ANKRD18A: variants seen among roughly 807,000 people sequenced by gnomAD.
The protein encoded by ANKRD18A is ankyrin repeat domain 18A, also known as ankyrin repeat domain-containing protein 18A.
In ANKRD18A, 72 loss-of-function variants were observed where a neutral mutation model predicts 110.6. That is an observed-to-expected ratio of 0.65 (90% CI 0.54 to 0.79). The LOEUF (loss-of-function observed/expected upper bound fraction) is 0.79. ANKRD18A is among the 30% of genes least tolerant of loss of function. The pLI, the probability that ANKRD18A is intolerant of heterozygous loss-of-function variation, is 0.00. For synonymous variants in ANKRD18A, 305 were observed against 410.3 expected (o/e 0.74, Z 3.10); for missense variants, 934 against 1,163.3 (o/e 0.80, Z 2.87).
intron 12 of ANKRD18A, among the ~76,000 whole-genome samples, chr9:38,581,014 T>G (rs2118681368): frequency 6.6e-6 from 1 of 152,346 alleles, no homozygotes; most frequent in South Asian, 2.1e-4. Flanking sequence ...AAGCTTCAGA[T>G]GATTCAATTT....
chr9:38,579,874 C>T lies in ANKRD18A; in HGVS notation c.2248-1726G>A, dbSNP rs115434880. On this transcript the variant is annotated intron_variant, in intron 12 of 15. Coordinates refer to ENST00000399703, the MANE Select transcript of ANKRD18A (RefSeq NM_147195.4). ...ACAATAGATCACAAGGATACTTGTC[C>T]TCATATGTTTATTGTAGCTCTATTC... Among the ~76,000 whole-genome samples the T allele has an allele frequency of 1.3e-3, 201 of 152,304 alleles. 2 individuals are homozygous for T. The highest frequency in any genetic ancestry group is 4.6e-3 in the African/African-American group (193 of 41,566).
At position 38,586,332 on chromosome 9, in the gene ANKRD18A, A is replaced by G. The variant is rs12006286; in HGVS notation, c.2118-20T>C. 1.4e-3 allele frequency: 2,149 copies of G among 1,496,500 alleles called. 20 individuals carry two copies. In the African/African-American group the frequency reaches 0.024, roughly 16 times the overall value. 92.7% of individuals were successfully genotyped at this position (1,496,500 alleles called of 1,614,324 possible). On this transcript the variant is annotated intron_variant, in intron 11 of 15. Coordinates refer to ENST00000399703, the MANE Select transcript of ANKRD18A (RefSeq NM_147195.4). ...TTATATCTGCAGAAATGTAAGAACTAGTAAGTCAAGTATTTTTAAGAGTAA... is the reference window on the plus strand; with the variant it reads ...TTATATCTGCAGAAATGTAAGAACTGGTAAGTCAAGTATTTTTAAGAGTAA...
rs868257926 is a variant in ANKRD18A, at chr9:38,575,420, G to A, written c.2964+56C>T. 1.9e-5 allele frequency: 27 copies of A among 1,451,326 alleles called. No homozygotes were observed. In the Middle Eastern group the frequency reaches 9.9e-4, roughly 53 times the overall value. 89.9% of individuals were successfully genotyped at this position (1,451,326 alleles called of 1,614,324 possible). Reference sequence around the variant, plus strand: ...GAACTCAGTATTTCATCAAATTATAGACAAGAATTATATTAGAGAAATGAA... The same window carrying A: ...GAACTCAGTATTTCATCAAATTATAAACAAGAATTATATTAGAGAAATGAA... On this transcript the variant is annotated intron_variant, in intron 15 of 15. Coordinates refer to ENST00000399703, the MANE Select transcript of ANKRD18A (RefSeq NM_147195.4).
At chr9:38,574,569 G>A (rs189609170) in intron 15 of ANKRD18A, among the ~76,000 whole-genome samples, 215 of 152,008 alleles carry the variant, frequency 1.4e-3, no homozygotes, top group African/African-American at 4.7e-3. Flanking sequence ...CGCCTGCCTC[G>A]GCCTCCCAAA....
chr9:38,606,793 C>T (rs1431998391), intron 6 of ANKRD18A, among the ~76,000 whole-genome samples: 4 of 152,028 alleles, frequency 2.6e-5, no homozygotes, highest in East Asian at 3.9e-4. Flanking sequence ...AAGTCCAATG[C>T]GTAACAATGT....
intron 15 of ANKRD18A, among the ~76,000 whole-genome samples, chr9:38,575,126 C>A (rs1182010513): frequency 6.6e-6 from 1 of 150,516 alleles, no homozygotes; most frequent in African/African-American, 2.4e-5. Context: ...GAACCACAGA[C>A]AAACTACAAT....
Position 38,615,699 on chromosome 9 carries a change from C to A in ANKRD18A, c.390G>T (p.Glu130Asp), listed in dbSNP as rs1401488504. Residue 130 changes from glutamate to aspartate, a missense_variant, in exon 3 of 16, where the codon GAG (glutamate) becomes GAT (aspartate). Glu to Asp is a conservative substitution (Grantham distance 45). Transcript: ENST00000399703. Reference protein sequence around the residue: ...LLECGANPNIEDIYGNTALHY... With the variant: ...LLECGANPNIDDIYGNTALHY... ...GGAGAGCAGTGTTGCCGTAGATATC[C>A]TCAATGTTTGGATTGGCGCCACATT... 1.2e-6 allele frequency: 2 copies of A among 1,612,610 alleles called. No homozygotes were observed. Among genetic ancestry groups the A allele is most frequent in the Non-Finnish European group, 1.7e-6 (2 of 1,179,860 alleles).
At chr9:38,597,298 G>T (rs994437328) in intron 8 of ANKRD18A, among the ~76,000 whole-genome samples, 1 of 151,952 alleles carries the variant, frequency 6.6e-6, no homozygotes, top group African/African-American at 2.4e-5. Context: ...TTTTTCATTT[G>T]GTTCCTGGGA....
intron 14 of ANKRD18A, among the ~76,000 whole-genome samples, chr9:38,576,489 G>T (rs774091292): frequency 2.6e-5 from 4 of 152,170 alleles, no homozygotes; most frequent in Non-Finnish European, 5.9e-5. Context: ...TTTCATTCCT[G>T]TGATAATTAT....
intron 12 of ANKRD18A, among the ~76,000 whole-genome samples, chr9:38,580,856 G>C (rs547146969): frequency 6.6e-6 from 1 of 151,000 alleles, no homozygotes; most frequent in Non-Finnish European, 1.5e-5. Flanking sequence ...ATCTCAGACT[G>C]CTTTCCCTTC....
intron 9 of ANKRD18A, among the ~76,000 whole-genome samples, chr9:38,594,936 C>A (rs1410883750): frequency 2.6e-5 from 4 of 152,198 alleles, no homozygotes; most frequent in Non-Finnish European, 5.9e-5. Flanking sequence ...AGACTACACA[C>A]CTTATCAGCA....
chr9:38,588,755 T>G, intron 10 of ANKRD18A, 92 bp from the exon 11 acceptor site: 1 of 920,572 alleles, frequency 1.1e-6, no homozygotes, highest in Non-Finnish European at 1.4e-6. Context: ...ATGAATAATA[T>G]GTATTTAGGC....
At chr9:38,607,840 A>G (rs895899963) in intron 5 of ANKRD18A, among the ~76,000 whole-genome samples, 1 of 152,230 alleles carries the variant, frequency 6.6e-6, no homozygotes, top group Non-Finnish European at 1.5e-5. Context: ...GGCTTCTTCT[A>G]AAAAATAAAG....
chr9:38,606,002 A>G (rs1337858796), intron 6 of ANKRD18A, among the ~76,000 whole-genome samples: 1 of 152,234 alleles, frequency 6.6e-6, no homozygotes, highest in Non-Finnish European at 1.5e-5. Context: ...AGAAGTGAAT[A>G]TATCTCATGA....
intron 11 of ANKRD18A, among the ~76,000 whole-genome samples, chr9:38,587,951 G>A (rs530050941): frequency 6.6e-6 from 1 of 152,092 alleles, no homozygotes; most frequent in Non-Finnish European, 1.5e-5. Context: ...AGCCAGGCAG[G>A]GTGGTGCACA....
chr9:38,603,331 A>G (rs1011839752), intron 6 of ANKRD18A, 119 bp from the exon 7 acceptor site: 4 of 1,418,038 alleles, frequency 2.8e-6, no homozygotes, highest in Non-Finnish European at 3.8e-6. Context: ...CATCTTTTTT[A>G]GAAGCTTGCA....
chr9:38,580,454 G>A (rs1824109959), intron 12 of ANKRD18A, among the ~76,000 whole-genome samples: 1 of 152,172 alleles, frequency 6.6e-6, no homozygotes, highest in South Asian at 2.1e-4. Context: ...CATAGAAGTA[G>A]GAGAGGGGAG....
Position 38,616,033 on chromosome 9 carries a change from T to A in ANKRD18A, c.218A>T (p.His73Leu). 2 of 1,586,656 alleles carry A rather than the reference T, an allele frequency of 1.3e-6. No individual in the cohort carries two copies. The highest frequency in any genetic ancestry group is 1.7e-6 in the Non-Finnish European group (2 of 1,166,072). Residue 73 changes from histidine to leucine, a missense_variant, in exon 2 of 16, where the codon CAT becomes CTT. Around this residue, in one of 4 missense-constraint regions of ANKRD18A, gnomAD observed 630 missense variants for 797.5 expected, o/e 0.79. Transcript: ENST00000399703. ...CACACGGCCATGGGCACAGGCCAAA[T>A]GTAGAACAGTCCTAGGAGAGCGAGA... ...ARDRKDRTVL[H>L]LACAHGRVQV...
chr9:38,603,305 T>G, intron 6 of ANKRD18A, 93 bp from the exon 7 acceptor site: 1 of 1,510,382 alleles, frequency 6.6e-7, no homozygotes. Context: ...TCTGCATGCT[T>G]ACCCTAAATC....
Sources: gnomAD v4.1 joint callset for allele counts (sites outside exome capture counted in the v4.1 genomes callset) on GRCh38, gnomAD v4.1.1 for gene constraint, gnomAD v4.1.1 regional missense constraint, MANE v1.5 for transcripts, NCBI Gene and HGNC (gene_info 2026-07-23, HGNC 2026-07-21) for gene names.